Variants in SLC25A21 observed in about 807,000 individuals in gnomAD.
SLC25A21 encodes the protein mitochondrial 2-oxodicarboxylate carrier.
In SLC25A21, 47 loss-of-function variants were observed where a neutral mutation model predicts 43.8. The ratio of observed to expected loss-of-function variants is 1.07; its 90% confidence interval spans 0.85 to 1.37. The LOEUF (loss-of-function observed/expected upper bound fraction) is 1.37, where lower values mean the gene tolerates loss of function less well. Ranked by LOEUF, SLC25A21 falls within the 40% of genes most tolerant of loss-of-function variation. The pLI is 0.00. For synonymous variants in SLC25A21, 131 were observed against 121.3 expected (o/e 1.08, Z -0.52); for missense variants, 352 against 350.2 (o/e 1.00, Z -0.04).
At chr14:36,753,978 A>G (rs1376331895) in intron 3 of SLC25A21, among the ~76,000 whole-genome samples, 2 of 151,944 alleles carry the variant, frequency 1.3e-5, no homozygotes, top group Non-Finnish European at 2.9e-5. Context: ...AGAAAAAGCG[A>G]GCAGATCAAA....
At chr14:36,985,795 T>A (rs1402393796) in intron 1 of SLC25A21, among the ~76,000 whole-genome samples, 1 of 152,216 alleles carries the variant, frequency 6.6e-6, no homozygotes, top group Non-Finnish European at 1.5e-5. Context: ...CTTATCTCCA[T>A]GTATTTATTC....
At chr14:37,015,688 T>A (rs1245941335) in intron 1 of SLC25A21, among the ~76,000 whole-genome samples, 2 of 151,758 alleles carry the variant, frequency 1.3e-5, no homozygotes, top group South Asian at 2.1e-4. Flanking sequence ...TTTCTCCACA[T>A]CCTCTCCAGC....
intron 3 of SLC25A21, among the ~76,000 whole-genome samples, chr14:36,794,273 G>T (rs974357173): frequency 6.6e-6 from 1 of 151,918 alleles, no homozygotes; most frequent in Non-Finnish European, 1.5e-5. Flanking sequence ...TTCTCTCCAG[G>T]AGTGTTTTTA....
intron 3 of SLC25A21, among the ~76,000 whole-genome samples, chr14:36,763,601 G>A (rs1173414874): frequency 1.3e-5 from 2 of 152,096 alleles, no homozygotes; most frequent in South Asian, 2.1e-4. Flanking sequence ...GGTGGTAGGG[G>A]GTCTGGAAAT....
chr14:36,967,874 T>C (rs17105819), intron 1 of SLC25A21, among the ~76,000 whole-genome samples: 3,670 of 152,196 alleles, frequency 0.024, 129 homozygotes, highest in African/African-American at 0.078. Context: ...GTGGGTGTAA[T>C]ACAATCCTCA....
chr14:36,974,103 C>T (rs566197120), intron 1 of SLC25A21, among the ~76,000 whole-genome samples: 1 of 152,264 alleles, frequency 6.6e-6, no homozygotes, highest in South Asian at 2.1e-4. Flanking sequence ...TAAAAGGACA[C>T]TGGGATGGGC....
At chr14:37,077,661 G>A (rs1436321018) in intron 1 of SLC25A21, among the ~76,000 whole-genome samples, 1 of 152,072 alleles carries the variant, frequency 6.6e-6, no homozygotes. Flanking sequence ...ATCTTAGATG[G>A]GTAGTTGTAA....
intron 1 of SLC25A21, among the ~76,000 whole-genome samples, chr14:37,061,887 C>T (rs781208960): frequency 6.6e-6 from 1 of 152,190 alleles, no homozygotes; most frequent in Non-Finnish European, 1.5e-5. Flanking sequence ...CCAATGGCAA[C>T]ATTTCAGGTT....
chr14:36,980,111 A>G (rs1182923814), intron 1 of SLC25A21, among the ~76,000 whole-genome samples: 4 of 152,210 alleles, frequency 2.6e-5, no homozygotes, highest in Non-Finnish European at 4.4e-5. Flanking sequence ...ACACAATGAC[A>G]GTTAAAAAAC....
chr14:36,822,398 C>T (rs920352004), intron 2 of SLC25A21, among the ~76,000 whole-genome samples: 1 of 152,114 alleles, frequency 6.6e-6, no homozygotes, highest in African/African-American at 2.4e-5. Flanking sequence ...TAGTCATTTC[C>T]ACAGGACACA....
chr14:36,882,463 G>C (rs1042865877), intron 1 of SLC25A21, among the ~76,000 whole-genome samples: 23 of 152,170 alleles, frequency 1.5e-4, no homozygotes, highest in Non-Finnish European at 2.4e-4. Context: ...TGCAGCCATT[G>C]CAGTATTCAA....
At chr14:36,992,409 T>C (rs1960283350) in intron 1 of SLC25A21, among the ~76,000 whole-genome samples, 1 of 150,310 alleles carries the variant, frequency 6.7e-6, no homozygotes, top group Non-Finnish European at 1.5e-5. Flanking sequence ...CCTATCTCTA[T>C]AAAAAAATAA....
At chr14:36,856,402 C>T (rs1308927467) in intron 2 of SLC25A21, among the ~76,000 whole-genome samples, 1 of 152,134 alleles carries the variant, frequency 6.6e-6, no homozygotes, top group African/African-American at 2.4e-5. Context: ...GCATTAAGTC[C>T]CAGTAGCTCA....
intron 1 of SLC25A21, among the ~76,000 whole-genome samples, chr14:37,025,780 G>C (rs1271784580): frequency 3.3e-5 from 5 of 152,096 alleles, no homozygotes; most frequent in Admixed American, 2.0e-4. Flanking sequence ...ATGTTTTTCA[G>C]CCATAGGATT....
chr14:36,922,278 C>T (rs1892002517), intron 1 of SLC25A21, among the ~76,000 whole-genome samples: 1 of 152,054 alleles, frequency 6.6e-6, no homozygotes, highest in African/African-American at 2.4e-5. Flanking sequence ...CAACTATTTT[C>T]AGAAAATGGA....
At chr14:36,756,343 ACG>A (rs762286227) in intron 3 of SLC25A21, among the ~76,000 whole-genome samples, 4 of 152,212 alleles carry the variant, frequency 2.6e-5, no homozygotes, top group Non-Finnish European at 5.9e-5. Flanking sequence ...CTGGCTATGT[ACG>A]CGGCTTCACA....
intron 7 of SLC25A21, among the ~76,000 whole-genome samples, chr14:36,695,007 G>A (rs1363095361): frequency 6.6e-6 from 1 of 152,170 alleles, no homozygotes; most frequent in African/African-American, 2.4e-5. Flanking sequence ...GAATGGTACT[G>A]CCTAGGTTTT....
intron 1 of SLC25A21, among the ~76,000 whole-genome samples, chr14:37,067,885 T>A (rs976358619): frequency 6.6e-6 from 1 of 152,226 alleles, no homozygotes; most frequent in African/African-American, 2.4e-5. Flanking sequence ...GAACAAAATA[T>A]AAATAGAACT....
intron 2 of SLC25A21, among the ~76,000 whole-genome samples, chr14:36,869,104 G>A (rs7157616): frequency 0.44 from 66,957 of 152,010 alleles, 16,107 homozygotes; most frequent in Non-Finnish European, 0.52. Flanking sequence ...TAGCAATTCT[G>A]CAATCTGGAC....
Sources: gnomAD v4.1 joint callset for allele counts (sites outside exome capture counted in the v4.1 genomes callset) on GRCh38, gnomAD v4.1.1 for gene constraint, MANE v1.5 for transcripts, NCBI Gene and HGNC (gene_info 2026-07-23, HGNC 2026-07-21) for gene names.